Variants in TLN2 observed in about 807,000 individuals in gnomAD.
TLN2 encodes talin 2.
A neutral mutation model predicts 294.7 loss-of-function variants in TLN2; 118 were observed. The observed-to-expected ratio is 0.40, with a 90% CI of 0.34 to 0.47. TLN2 has a LOEUF of 0.47. TLN2 is among the 20% of genes least tolerant of loss of function. The pLI is 0.84. For synonymous variants in TLN2, 1,431 were observed against 1,304.5 expected, an observed-to-expected ratio of 1.10 and a Z score of -2.09; for missense variants, 3,083 against 3,282.2, an observed-to-expected ratio of 0.94 and a Z score of 1.48.
chr15:62,805,826 C>T (rs1567646366), intron 51 of TLN2, 41 bp downstream of exon 51: 1 of 1,585,864 alleles, frequency 6.3e-7, no homozygotes, highest in East Asian at 2.2e-5. Context: ...AGATGATTCT[C>T]TGTCGTGACT....
intron 1 of TLN2, among the ~76,000 whole-genome samples, chr15:62,403,739 C>T (rs1435011669): frequency 2.0e-5 from 3 of 152,204 alleles, no homozygotes; most frequent in African/African-American, 7.2e-5. Flanking sequence ...GATGTTTCTT[C>T]CTGGCTTAAA....
chr15:62,797,153 T>G, intron 47 of TLN2, 66 bp from the exon 48 acceptor site: 1 of 1,572,278 alleles, frequency 6.4e-7, no homozygotes, highest in Non-Finnish European at 8.7e-7. Flanking sequence ...ATTTCTTTTC[T>G]TCTTGAAGTA....
At chr15:62,640,962 C>T (rs1407209134) in intron 3 of TLN2, among the ~76,000 whole-genome samples, 4 of 151,848 alleles carry the variant, frequency 2.6e-5, no homozygotes, top group African/African-American at 7.3e-5. Context: ...CCACCATGCT[C>T]GGCTAATTTT....
At chr15:62,536,787 T>A (rs959587994) in intron 1 of TLN2, among the ~76,000 whole-genome samples, 1 of 152,178 alleles carries the variant, frequency 6.6e-6, no homozygotes, top group Non-Finnish European at 1.5e-5. Context: ...TTTTAAAAGT[T>A]TTAGTAGACA....
At chr15:62,716,975 C>T (rs1393189218) in intron 23 of TLN2, among the ~76,000 whole-genome samples, 2 of 151,118 alleles carry the variant, frequency 1.3e-5, no homozygotes, top group Non-Finnish European at 2.9e-5. Context: ...CTGACAAATG[C>T]ACACAGGAGA....
intron 1 of TLN2, among the ~76,000 whole-genome samples, chr15:62,421,762 C>T (rs1038448955): frequency 6.6e-5 from 10 of 151,946 alleles, no homozygotes; most frequent in Admixed American, 2.6e-4. Context: ...AGCAAACCCC[C>T]GTGACACAAG....
chr15:62,599,421 G>C (rs1222070220), intron 2 of TLN2, among the ~76,000 whole-genome samples: 1 of 152,176 alleles, frequency 6.6e-6, no homozygotes, highest in Non-Finnish European at 1.5e-5. Context: ...ATAGAATGCT[G>C]AGCAAATAGA....
At chr15:62,786,666 T>G (rs1196953887) in intron 45 of TLN2, among the ~76,000 whole-genome samples, 4 of 148,944 alleles carry the variant, frequency 2.7e-5, no homozygotes. Flanking sequence ...CAATCATTTG[T>G]TAAGATGATT....
At chr15:62,488,714 T>C (rs559375562) in intron 1 of TLN2, among the ~76,000 whole-genome samples, 186 of 152,368 alleles carry the variant, frequency 1.2e-3, no homozygotes, top group African/African-American at 4.2e-3. Flanking sequence ...CAGAATACAA[T>C]GATCAGCCAA....
In TLN2 at chr15:62,792,683, G is replaced by A. The variant is rs568351861; in HGVS notation, c.5779G>A (p.Gly1927Ser). The change falls in exon 46 of 59, where the codon GGC becomes AGC. Residue 1927 changes from glycine (G) to serine (S), a missense_variant. Transcript: ENST00000636159. ...CACTCGTGTGCAGGACCTGGGCCAC[G>A]GCTGTATCTTCCTGGTGCAGAAGGC... ...IRTRVQDLGH[G>S]CIFLVQKAGA... 78 of 1,613,930 alleles carry A rather than the reference G, an allele frequency of 4.8e-5. No homozygotes were observed. Among genetic ancestry groups the A allele is most frequent in the Non-Finnish European group, 6.4e-5 (76 of 1,180,040 alleles).
chr15:62,486,101 T>C (rs573490578), intron 1 of TLN2, among the ~76,000 whole-genome samples: 9 of 152,362 alleles, frequency 5.9e-5, no homozygotes, highest in African/African-American at 2.2e-4. Context: ...TTCTCTGTAT[T>C]ACATACTGTT....
chr15:62,751,115 A>G (rs1434057488), intron 34 of TLN2, among the ~76,000 whole-genome samples: 1 of 152,190 alleles, frequency 6.6e-6, no homozygotes, highest in African/African-American at 2.4e-5. Flanking sequence ...AGGAAAAAAA[A>G]CATAAAAGGC....
chr15:62,800,701 G>C lies in TLN2; in HGVS notation c.6409G>C (p.Glu2137Gln), dbSNP rs35997243. 19,999 of 1,614,128 alleles carry C rather than the reference G, an allele frequency of 0.012. 153 individuals are homozygous for C. Among genetic ancestry groups the C allele is most frequent in the Non-Finnish European group, 0.015 (17,268 of 1,180,004 alleles). ...GCTCCTCAAGACTGTAAAGGCAGTG[G>C]AGGATGAGGCCACCCGGGGCACCAG... Reference protein sequence around the residue: ...TSLLKTVKAVEDEATRGTRAL... With the variant: ...TSLLKTVKAVQDEATRGTRAL... The change falls in exon 50 of 59, where the codon GAG becomes CAG. Residue 2137 changes from glutamate (E) to glutamine (Q), a missense_variant. Coordinates refer to ENST00000636159, the MANE Select transcript of TLN2 (RefSeq NM_015059.3).
intron 12 of TLN2, among the ~76,000 whole-genome samples, chr15:62,690,090 CG>C (rs1322217015): frequency 5.6e-5 from 5 of 89,972 alleles, no homozygotes; most frequent in African/African-American, 5.6e-5. Context: ...GCCGGCCGGG[CG>C]GGGGGCTGAC....
chr15:62,456,952 T>A (rs1281411761), intron 1 of TLN2, among the ~76,000 whole-genome samples: 1 of 152,118 alleles, frequency 6.6e-6, no homozygotes, highest in Admixed American at 6.5e-5. Context: ...GGGGGAGAAT[T>A]TGACAGTAGG....
chr15:62,527,549 AAT>A (rs1267680121), intron 1 of TLN2, among the ~76,000 whole-genome samples: 2 of 152,204 alleles, frequency 1.3e-5, no homozygotes. Context: ...TAGCCTTAGA[AAT>A]AGTGGTAAGT....
chr15:62,560,514 A>G (rs1401538433), intron 1 of TLN2, among the ~76,000 whole-genome samples: 1 of 152,136 alleles, frequency 6.6e-6, no homozygotes, highest in East Asian at 1.9e-4. Flanking sequence ...TTTAGTAGAG[A>G]CAGGGTTTCA....
Position 62,512,169 on chromosome 15 carries a change from A to G in TLN2, c.-237-77518A>G, listed in dbSNP as rs374640605. Among the ~76,000 whole-genome samples, 10 of 152,276 alleles carry G rather than the reference A, an allele frequency of 6.6e-5. No homozygotes were observed. The East Asian group carries it at 1.4e-3, about 21-fold the overall frequency. ...ATGATGTTTTTTACACTTTTGCCAC[A>G]TGACAGACTCTAGAGCCCCTCAGCA... is the stretch of plus-strand genomic sequence containing the variant. On this transcript the variant is annotated intron_variant, in intron 1 of 58. Transcript: ENST00000636159.
intron 9 of TLN2, among the ~76,000 whole-genome samples, chr15:62,670,356 T>C (rs535716662): frequency 6.6e-6 from 1 of 152,352 alleles, no homozygotes; most frequent in East Asian, 1.9e-4. Context: ...TCTCTGCTAC[T>C]TACTCACAAG....
Sources: allele counts gnomAD v4.1 joint callset (sites outside exome capture counted in the v4.1 genomes callset), GRCh38; gene constraint gnomAD v4.1.1; transcripts MANE v1.5; gene names NCBI Gene and HGNC (gene_info 2026-07-23, HGNC 2026-07-21).